ADGB: variants seen among roughly 807,000 people sequenced by gnomAD.
ADGB encodes androglobin, also known as calpain-7-like protein.
ADGB carries 172 observed loss-of-function variants against 210.5 expected under a neutral mutation model. That is an observed-to-expected ratio of 0.82 (90% confidence interval 0.72 to 0.93). The LOEUF is 0.93. Ranked by LOEUF, ADGB falls within the 40% of genes least tolerant of loss-of-function variation. ADGB has a pLI of 0.00. For synonymous variants in ADGB, 658 were observed against 662.7 expected (o/e 0.99, Z 0.11); for missense variants, 2,025 against 1,964.8 (o/e 1.03, Z -0.58).
At chr6:146,717,142 C>A in intron 15 of ADGB, 73 bp downstream of exon 15, 2 of 1,229,054 alleles carry the variant, frequency 1.6e-6, no homozygotes, top group South Asian at 1.6e-5. Context: ...TATACAAAGT[C>A]ACATTAAGAT....
chr6:146,613,606 GC>G (rs1382491431), intron 1 of ADGB, among the ~76,000 whole-genome samples: 2 of 152,066 alleles, frequency 1.3e-5, no homozygotes, highest in African/African-American at 2.4e-5. Context: ...TCTAATTAAA[GC>G]AAATATATGA....
At chr6:146,717,503 G>T in intron 15 of ADGB, 33 bp from the exon 16 acceptor site, 1 of 1,200,192 alleles carries the variant, frequency 8.3e-7, no homozygotes, top group South Asian at 1.5e-5. Context: ...TGCCTATAAT[G>T]ACAATAACCT....
chr6:146,724,117 A>AG, intron 17 of ADGB, 69 bp from the exon 18 acceptor site: 1 of 1,256,770 alleles, frequency 8.0e-7, no homozygotes, highest in Non-Finnish European at 1.1e-6. Context: ...TAATAAAAAA[A>AG]GACAGTACTA....
chr6:146,613,439 G>A (rs1583559168), intron 1 of ADGB, among the ~76,000 whole-genome samples: 1 of 152,284 alleles, frequency 6.6e-6, no homozygotes, highest in Middle Eastern at 3.4e-3. Context: ...AAGAAAGCAT[G>A]CTGGCTGCAC....
At chr6:146,665,822 A>G (rs1014112500) in intron 6 of ADGB, among the ~76,000 whole-genome samples, 6 of 152,050 alleles carry the variant, frequency 3.9e-5, no homozygotes, top group Admixed American at 3.9e-4. Flanking sequence ...TTGCTTTTAT[A>G]TGAGGATTAG....
intron 35 of ADGB, among the ~76,000 whole-genome samples, chr6:146,814,354 A>G (rs1398795952): frequency 6.6e-6 from 1 of 152,198 alleles, no homozygotes; most frequent in African/African-American, 2.4e-5. Flanking sequence ...CCCTTTTAAG[A>G]GACGAAGGAG....
At position 146,728,101 on chromosome 6, in the gene ADGB, A is replaced by T. The variant is rs1426132442; in HGVS notation, c.2353-473A>T. On this transcript the variant is annotated intron_variant, in intron 19 of 35. Coordinates refer to ENST00000397944, the MANE Select transcript of ADGB (RefSeq NM_024694.4). ...CACCTCACAGTTTTCTCCAGTTTTT[A>T]AAAATTAGTTACTTCCTGAAATTCC... is the stretch of plus-strand genomic sequence containing the variant. Among the ~76,000 whole-genome samples the T allele has an allele frequency of 4.6e-5, 7 of 152,294 alleles. No individual in the cohort carries two copies. In the South Asian group the frequency reaches 8.3e-4, roughly 18 times the overall value.
At chr6:146,638,634 T>G in intron 2 of ADGB, among the ~76,000 whole-genome samples, 5 of 148,742 alleles carry the variant, frequency 3.4e-5, no homozygotes, top group East Asian at 4.0e-4. Context: ...GGGATAGCAT[T>G]TGGAGATATA....
chr6:146,701,143 A>G, intron 13 of ADGB, 73 bp downstream of exon 13: 1 of 1,444,828 alleles, frequency 6.9e-7, no homozygotes, highest in Non-Finnish European at 9.4e-7. Context: ...TGTGAAACAT[A>G]CTATACATAC....
chr6:146,733,380 T>A (rs1777031821), intron 21 of ADGB, 125 bp downstream of exon 21: 1 of 991,582 alleles, frequency 1.0e-6, no homozygotes, highest in Admixed American at 3.5e-5. Context: ...GTTCAAGCAG[T>A]GCTCTAAGAG....
chr6:146,750,086 A>T (rs1777298655), intron 26 of ADGB, among the ~76,000 whole-genome samples: 1 of 151,918 alleles, frequency 6.6e-6, no homozygotes, highest in Non-Finnish European at 1.5e-5. Flanking sequence ...GTCTGCTTCC[A>T]CTCTTCTCAG....
chr6:146,727,016 G>A (rs780253308), intron 19 of ADGB, among the ~76,000 whole-genome samples: 6 of 151,814 alleles, frequency 4.0e-5, no homozygotes, highest in Admixed American at 1.3e-4. Context: ...CTGTTCTGAC[G>A]GGGTCTGAAA....
chr6:146,638,927 C>T (rs376220580), intron 2 of ADGB: 4 of 108,120 alleles, frequency 3.7e-5, no homozygotes, highest in South Asian at 5.7e-4. Flanking sequence ...AAAAAAAATG[C>T]ATTTCTCTCC....
At chr6:146,720,703 G>C (rs141881604) in intron 16 of ADGB, among the ~76,000 whole-genome samples, 2 of 152,130 alleles carry the variant, frequency 1.3e-5, no homozygotes, top group Non-Finnish European at 2.9e-5. Context: ...AAGCAAACAC[G>C]TCTTACCATG....
chr6:146,769,642 A>T (rs1777625001), intron 29 of ADGB, among the ~76,000 whole-genome samples: 1 of 152,156 alleles, frequency 6.6e-6, no homozygotes, highest in South Asian at 2.1e-4. Context: ...AATCAAAGGG[A>T]AATCTCCAAC....
At chr6:146,716,042 T>C (rs893614824) in intron 14 of ADGB, among the ~76,000 whole-genome samples, 7 of 134,880 alleles carry the variant, frequency 5.2e-5, no homozygotes, top group Non-Finnish European at 1.1e-4. Context: ...CACTCCAGCC[T>C]GGACTCCGTC....
intron 1 of ADGB, among the ~76,000 whole-genome samples, chr6:146,603,030 CT>C (rs1780582579): frequency 6.6e-6 from 1 of 152,222 alleles, no homozygotes; most frequent in Non-Finnish European, 1.5e-5. Context: ...AGTTCTGTTA[CT>C]TTTCTTATGA....
At chr6:146,738,115 T>C (rs1777107033) in intron 23 of ADGB, among the ~76,000 whole-genome samples, 1 of 152,232 alleles carries the variant, frequency 6.6e-6, no homozygotes, top group Non-Finnish European at 1.5e-5. Flanking sequence ...AAGATTCTTA[T>C]CCTCTCTAAA....
At chr6:146,728,515 T>C in intron 19 of ADGB, 59 bp from the exon 20 acceptor site, 4 of 1,452,482 alleles carry the variant, frequency 2.8e-6, no homozygotes, top group Admixed American at 2.1e-5. Flanking sequence ...TATTAATTTG[T>C]ATAAACTAGA....
Sources: allele counts gnomAD v4.1 joint callset (sites outside exome capture counted in the v4.1 genomes callset), GRCh38; gene constraint gnomAD v4.1.1; transcripts MANE v1.5; gene names NCBI Gene and HGNC (gene_info 2026-07-23, HGNC 2026-07-21).